Variants in UGT1A1 observed in about 807,000 individuals in gnomAD.
UGT1A1 encodes UDP glucuronosyltransferase family 1 member A1, also known as UDP-glucuronosyltransferase 1A1.
Under a neutral mutation model 40.6 loss-of-function variants are expected in UGT1A1, and 33 were observed. The observed-to-expected ratio is 0.81, with a 90% CI of 0.62 to 1.09. The LOEUF (loss-of-function observed/expected upper bound fraction) is 1.09, where lower values mean the gene tolerates loss of function less well. UGT1A1 is among the 50% of genes least tolerant of loss of function. The probability of loss-of-function intolerance (pLI) is 0.00; values close to 1 mark genes in which losing one functional copy is unlikely to be tolerated. For missense variants in UGT1A1, 694 were observed against 671.2 expected (o/e 1.03, Z -0.38); for synonymous variants, 249 against 265.0 (o/e 0.94, Z 0.59).
In UGT1A1 at chr2:233,769,925, T is replaced by TG. The variant is rs2126049712; in HGVS notation, c.1304+1488dup. ...CATGTGCCCAGAGCGTTGGGTGGTG[T>TG]GGTCCCATTCCTTCCTTCCAGCGGC... On this transcript the variant is annotated intron_variant, in intron 4 of 4. Transcript: ENST00000305208. This position sits in a 1 kb window ranked among gnomAD's most constrained non-coding sequence, Gnocchi z 4.4. The TG allele has an allele frequency of 3.8e-6, 1 of 266,564 alleles. No individual in the cohort carries two copies. Among genetic ancestry groups the TG allele is most frequent in the Admixed American group, 5.1e-5 (1 of 19,790 alleles). 16.5% of individuals were successfully genotyped at this position (266,564 alleles called of 1,614,324 possible). A position where few individuals can be genotyped will look rare whatever the true frequency, so the allele number is the denominator to read the frequency against.
At chr2:233,768,483 T>G in intron 4 of UGT1A1, 44 bp downstream of exon 4, 1 of 1,586,708 alleles carries the variant, frequency 6.3e-7, no homozygotes. Flanking sequence ...ATGGCATTCA[T>G]GATAAAATTG....
chr2:233,762,466 T>C (rs377017824), intron 1 of UGT1A1, among the ~76,000 whole-genome samples: 5 of 152,354 alleles, frequency 3.3e-5, no homozygotes, highest in African/African-American at 9.6e-5. Context: ...GATAATGTCA[T>C]GGATATCACT....
Position 233,772,406 on chromosome 2 carries a change from G to A in UGT1A1, c.1449G>A (p.Trp483Ter), listed in dbSNP as rs866632307. Residue 483 changes from tryptophan to a stop codon, truncating the protein, a stop_gained, in exon 5 of 5, where the codon TGG (tryptophan) becomes TGA (stop). Transcript: ENST00000305208. LOFTEE classifies it high-confidence loss of function. ...GCCCCGCAGCCCACGACCTCACCTGGTACCAGTACCATTCCTTGGACGTGA... is the reference window on the plus strand; with the variant it reads ...GCCCCGCAGCCCACGACCTCACCTGATACCAGTACCATTCCTTGGACGTGA... The part of the protein sequence containing the change: ...HLRPAAHDLT[W>*]YQYHSLDVIG... 1 of 1,614,238 alleles carries A rather than the reference G, an allele frequency of 6.2e-7. No homozygotes were observed. Among genetic ancestry groups the A allele is most frequent in the Middle Eastern group, 1.6e-4 (1 of 6,062 alleles).
chr2:233,762,102 G>T (rs1697968941), intron 1 of UGT1A1, among the ~76,000 whole-genome samples: 1 of 151,864 alleles, frequency 6.6e-6, no homozygotes, highest in Non-Finnish European at 1.5e-5. Flanking sequence ...GTTGTTGATT[G>T]TCCGCTTCAC....
Position 233,772,431 on chromosome 2 carries a change from A to T in UGT1A1, c.1474A>T (p.Ile492Phe). ...GTACCAGTACCATTCCTTGGACGTG[A>T]TTGGTTTCCTCTTGGCCGTCGTGCT... ...TWYQYHSLDV[I>F]GFLLAVVLTV... The change falls in exon 5 of 5, where the codon ATT becomes TTT. Residue 492 changes from isoleucine to phenylalanine, a missense_variant. Ile to Phe is a conservative substitution (Grantham distance 21, BLOSUM62 0). Coordinates refer to ENST00000305208, the MANE Select transcript of UGT1A1 (RefSeq NM_000463.3). 1 of 1,614,128 alleles carries T rather than the reference A, an allele frequency of 6.2e-7. No individual in the cohort carries two copies. Among genetic ancestry groups the T allele is most frequent in the Non-Finnish European group, 8.5e-7 (1 of 1,180,030 alleles).
intron 1 of UGT1A1, 114 bp downstream of exon 1, chr2:233,761,265 G>A (rs1265780323): frequency 1.3e-6 from 2 of 1,595,780 alleles, no homozygotes; most frequent in Non-Finnish European, 8.6e-7. Flanking sequence ...AATTTAAAAT[G>A]CCCTCTTTTG....
intron 4 of UGT1A1, among the ~76,000 whole-genome samples, chr2:233,772,038 A>G (rs892272267): frequency 1.3e-5 from 2 of 152,202 alleles, no homozygotes; most frequent in African/African-American, 4.8e-5. Flanking sequence ...GCTTGAGCCC[A>G]GGAGTTGGAG....
rs1170923656 is a variant in UGT1A1 at position 233,772,696 on chromosome 2, T to TA, written c.*143dup. The TA allele has an allele frequency of 2.8e-5, 41 of 1,482,484 alleles. No individual in the cohort carries two copies. The highest frequency in any genetic ancestry group is 3.6e-5 in the Non-Finnish European group (41 of 1,123,730). The allele number at this position is 1,482,484 out of a possible 1,614,324, so 91.8% of individuals were successfully genotyped here. ...TAAATTAATCAGCCCCAGAGTGCTT[T>TA]AAAAAATTCTCTTAAATAAAAATAA... On this transcript the variant is annotated 3_prime_UTR_variant, in exon 5 of 5. Transcript: ENST00000305208.
rs747062491 is a variant in UGT1A1 at position 233,767,878 on chromosome 2, A to T, written c.1026A>T (p.Pro342=). The change falls in exon 3 of 5, where the codon CCA becomes CCT. Residue 342 remains proline, a synonymous_variant. Coordinates refer to ENST00000305208, the MANE Select transcript of UGT1A1 (RefSeq NM_000463.3). ...TGTGGCGGTACACTGGAACCCGACC[A>T]TCGAATCTTGCGAACAACACGATAC... ...TVLWRYTGTR[P]SNLANNTILV... The T allele has an allele frequency of 2.0e-4, 328 of 1,614,032 alleles. No individual in the cohort carries two copies. Among genetic ancestry groups the T allele is most frequent in the Non-Finnish European group, 2.7e-4 (318 of 1,180,042 alleles).
intron 1 of UGT1A1, among the ~76,000 whole-genome samples, chr2:233,766,756 G>A (rs1351928821): frequency 2.0e-5 from 3 of 152,168 alleles, no homozygotes; most frequent in Non-Finnish European, 4.4e-5. Flanking sequence ...GTGCATGTGT[G>A]TGCATGTACC....
rs144684818 is a variant in UGT1A1, at chr2:233,763,987, G to A, written c.864+2836G>A. On this transcript the variant is annotated intron_variant, in intron 1 of 4. Transcript: ENST00000305208. ...GATATATGTGGGTTACTGGGAATGC[G>A]TGATGGTGAAGTCACAGATGACCCA... 4.9e-3 allele frequency among the ~76,000 whole-genome samples: 743 copies of A among 152,304 alleles called. 10 individuals are homozygous for A. The highest frequency in any genetic ancestry group is 0.017 in the African/African-American group (695 of 41,566).
chr2:233,760,670 C>T lies in UGT1A1; in HGVS notation c.383C>T (p.Ser128Phe). Residue 128 changes from serine (S) to phenylalanine (F), a missense_variant, in exon 1 of 5, where the codon TCC (serine) becomes TTC (phenylalanine). By Grantham distance (155) the Ser-to-Phe change is radical. Coordinates refer to ENST00000305208, the MANE Select transcript of UGT1A1 (RefSeq NM_000463.3). Reference sequence around the variant, plus strand: ...TCTGCTATGCTTTTGTCTGGCTGTTCCCACTTACTGCACAACAAGGAGCTC... The same window carrying T: ...TCTGCTATGCTTTTGTCTGGCTGTTTCCACTTACTGCACAACAAGGAGCTC... ...KDSAMLLSGC[S>F]HLLHNKELMA... is the part of the protein sequence containing the mutation. 1 of 1,614,098 alleles carries T rather than the reference C, an allele frequency of 6.2e-7. No homozygotes were observed. Among genetic ancestry groups the T allele is most frequent in the Non-Finnish European group, 8.5e-7 (1 of 1,180,014 alleles).
chr2:233,772,315 A>T lies in UGT1A1; in HGVS notation c.1358A>T (p.Glu453Val). The change falls in exon 5 of 5, where the codon GAG becomes GTG. Residue 453 changes from glutamate to valine, a missense_variant. Physicochemically the swap from Glu to Val is moderately radical, Grantham distance 121. Transcript: ENST00000305208. ...AGCCTTCACAAGGACCGCCCGGTGG[A>T]GCCGCTGGACCTGGCCGTGTTCTGG... ...LSSLHKDRPV[E>V]PLDLAVFWVE... is the part of the protein sequence containing the mutation. 1 of 1,614,114 alleles carries T rather than the reference A, an allele frequency of 6.2e-7. No individual in the cohort carries two copies. The highest frequency in any genetic ancestry group is 8.5e-7 in the Non-Finnish European group (1 of 1,180,032).
At chr2:233,761,193 A>G (rs764178788) in intron 1 of UGT1A1, 42 bp downstream of exon 1, 2 of 1,614,148 alleles carry the variant, frequency 1.2e-6, no homozygotes, top group Non-Finnish European at 8.5e-7. Context: ...ATATTCTTTC[A>G]GATGTATTAC....
At position 233,773,229 on chromosome 2, in the gene UGT1A1, G is replaced by T. The variant is rs71539604; in HGVS notation, c.*670G>T. On this transcript the variant is annotated 3_prime_UTR_variant, in exon 5 of 5. Transcript: ENST00000305208. ...AAAACCCAAAATACAGCTATGAAGT[G>T]CTGGGCAAGTTTACTTTTTTTCTGA... 2 of 152,312 alleles carry T rather than the reference G, an allele frequency of 1.3e-5. No individual in the cohort carries two copies. The highest frequency in any genetic ancestry group is 2.9e-5 in the Non-Finnish European group (2 of 68,032). The allele number at this position is 152,312 out of a possible 1,614,324, so 9.4% of individuals were successfully genotyped here.
rs28900403 is a variant in UGT1A1 at position 233,768,158 on chromosome 2, A to G, written c.1085-62A>G. 1.0e-3 allele frequency: 1,655 copies of G among 1,613,190 alleles called. 19 individuals are homozygous for G. The African/African-American group carries it at 0.019, about 19-fold the overall frequency. On this transcript the variant is annotated intron_variant, in intron 3 of 4. Transcript: ENST00000305208. ...TCTTTGGAGTGTTTTCAGAACCTAG[A>G]TGTGTCCAGCTGTGAAACTCAGAGA...
chr2:233,760,594 G>T lies in UGT1A1; in HGVS notation c.307G>T (p.Asp103Tyr). The T allele has an allele frequency of 6.2e-7, 1 of 1,614,198 alleles. No homozygotes were observed. The highest frequency in any genetic ancestry group is 8.5e-7 in the Non-Finnish European group (1 of 1,180,034). The change falls in exon 1 of 5, where the codon GAT (aspartate) becomes TAT (tyrosine). Residue 103 changes from aspartate (D) to tyrosine (Y), a missense_variant. Coordinates refer to ENST00000305208, the MANE Select transcript of UGT1A1 (RefSeq NM_000463.3). ...VSLGHNVFEN[D>Y]SFLQRVIKTY... ...TCTCGGGCATAATGTTTTTGAGAAT[G>T]ATTCTTTCCTGCAGCGTGTGATCAA...
rs1271688129 is a variant in UGT1A1, at chr2:233,760,300, T to G, written c.13T>G (p.Ser5Ala). 6.2e-7 allele frequency: 1 copy of G among 1,613,254 alleles called. No homozygotes were observed. The highest frequency in any genetic ancestry group is 2.2e-5 in the East Asian group (1 of 44,864). The change falls in exon 1 of 5, where the codon TCC (serine) becomes GCC (alanine). Residue 5 changes from serine (S) to alanine (A), a missense_variant. Transcript: ENST00000305208. Reference protein sequence around the residue: MAVESQGGRPLVLGL... With the variant: MAVEAQGGRPLVLGL... The stretch of plus-strand genomic sequence containing the variant: ...GAGCAAAGGCGCCATGGCTGTGGAG[T>G]CCCAGGGCGGACGCCCACTTGTCCT...
chr2:233,771,986 A>T (rs897905900), intron 4 of UGT1A1, among the ~76,000 whole-genome samples: 3 of 152,212 alleles, frequency 2.0e-5, no homozygotes, highest in African/African-American at 7.2e-5. Context: ...ATAGTGGTGC[A>T]TGACTAATTC....
Sources: gnomAD v4.1 joint callset for allele counts (sites outside exome capture counted in the v4.1 genomes callset) on GRCh38, gnomAD v4.1.1 for gene constraint, Gnocchi (gnomAD v3.1) non-coding constraint, MANE v1.5 for transcripts, NCBI Gene and HGNC (gene_info 2026-07-23, HGNC 2026-07-21) for gene names.